Variants in DPYD observed in about 807,000 individuals in gnomAD.
DPYD encodes dihydropyrimidine dehydrogenase [NADP(+)].
Under a neutral mutation model 116.2 loss-of-function variants are expected in DPYD, and 109 were observed. That is an observed-to-expected ratio of 0.94 (90% CI 0.80 to 1.10). The LOEUF (loss-of-function observed/expected upper bound fraction) is 1.10, where lower values mean the gene tolerates loss of function less well. Ranked by LOEUF, DPYD falls within the 50% of genes least tolerant of loss-of-function variation. The pLI is 0.00. For synonymous variants in DPYD, 440 were observed against 432.0 expected (o/e 1.02, Z -0.23); for missense variants, 1,302 against 1,254.5 (o/e 1.04, Z -0.57).
At chr1:97,645,173 A>G (rs1167250015) in intron 8 of DPYD, among the ~76,000 whole-genome samples, 1 of 152,128 alleles carries the variant, frequency 6.6e-6, no homozygotes, top group Admixed American at 6.6e-5. Context: ...TATAAACAGT[A>G]GTGCAGTTAA....
intron 19 of DPYD, among the ~76,000 whole-genome samples, chr1:97,224,639 C>A (rs74676854): frequency 0.013 from 1,912 of 151,940 alleles, 31 homozygotes; most frequent in South Asian, 0.043. Context: ...AATTTTGTAT[C>A]CTTGAACTGC....
intron 16 of DPYD, among the ~76,000 whole-genome samples, chr1:97,373,302 T>G (rs1037145604): frequency 3.3e-5 from 5 of 152,204 alleles, no homozygotes; most frequent in Non-Finnish European, 7.3e-5. Flanking sequence ...TCAGCGCTTT[T>G]AAAAACTATT....
At chr1:97,672,876 T>G (rs1156670173) in intron 8 of DPYD, among the ~76,000 whole-genome samples, 2 of 152,186 alleles carry the variant, frequency 1.3e-5, no homozygotes, top group African/African-American at 4.8e-5. Flanking sequence ...GTTATTTGTC[T>G]GTTATAATAT....
chr1:97,463,087 A>G (rs1220238602), intron 13 of DPYD, among the ~76,000 whole-genome samples: 2 of 152,230 alleles, frequency 1.3e-5, no homozygotes, highest in African/African-American at 4.8e-5. Context: ...TTTCTGGACC[A>G]AACCAATGTA....
chr1:97,086,716 T>C (rs1055441553), intron 21 of DPYD, among the ~76,000 whole-genome samples: 1 of 150,468 alleles, frequency 6.6e-6, no homozygotes, highest in East Asian at 2.0e-4. Context: ...AATCATAAGA[T>C]GAACCATTGT....
chr1:97,219,332 T>C (rs1660633825), intron 19 of DPYD, among the ~76,000 whole-genome samples: 1 of 152,224 alleles, frequency 6.6e-6, no homozygotes, highest in Non-Finnish European at 1.5e-5. Context: ...TATTCTCATC[T>C]GAACCCTTGG....
chr1:97,913,168 C>T (rs112452496), intron 1 of DPYD, among the ~76,000 whole-genome samples: 1 of 152,026 alleles, frequency 6.6e-6, no homozygotes, highest in South Asian at 2.1e-4. Flanking sequence ...TATTCTCAGG[C>T]GAAATTTAGA....
chr1:97,225,771 A>G (rs962189243), intron 19 of DPYD, among the ~76,000 whole-genome samples: 1 of 151,856 alleles, frequency 6.6e-6, no homozygotes, highest in East Asian at 1.9e-4. Context: ...TTGATGTCCT[A>G]TTCAAACAAT....
intron 16 of DPYD, among the ~76,000 whole-genome samples, chr1:97,369,423 C>T (rs574182715): frequency 6.6e-6 from 1 of 152,122 alleles, no homozygotes; most frequent in Non-Finnish European, 1.5e-5. Flanking sequence ...GTTAACAATA[C>T]TGATACTTAA....
intron 18 of DPYD, among the ~76,000 whole-genome samples, chr1:97,296,985 G>T (rs1322044301): frequency 6.6e-6 from 1 of 152,084 alleles, no homozygotes; most frequent in Non-Finnish European, 1.5e-5. Flanking sequence ...AAACATGGGG[G>T]ATTATGTCTT....
intron 8 of DPYD, among the ~76,000 whole-genome samples, chr1:97,676,034 A>C (rs566618938): frequency 3.3e-5 from 5 of 152,268 alleles, no homozygotes; most frequent in Admixed American, 3.3e-4. Flanking sequence ...GGTGTGAGCC[A>C]CCACGCCTGG....
intron 8 of DPYD, among the ~76,000 whole-genome samples, chr1:97,637,983 G>C (rs1320511734): frequency 6.6e-6 from 1 of 152,064 alleles, no homozygotes; most frequent in Non-Finnish European, 1.5e-5. Flanking sequence ...GAATTTGCCT[G>C]ATGAGCCCTT....
chr1:97,486,056 A>G (rs1678614890), intron 13 of DPYD, among the ~76,000 whole-genome samples: 1 of 152,306 alleles, frequency 6.6e-6, no homozygotes, highest in Non-Finnish European at 1.5e-5. Context: ...TAGTTAAAGG[A>G]TTTTACTACT....
At chr1:97,440,989 C>G (rs1256024679) in intron 14 of DPYD, among the ~76,000 whole-genome samples, 1 of 152,128 alleles carries the variant, frequency 6.6e-6, no homozygotes, top group East Asian at 1.9e-4. Context: ...TCTTTCAGTA[C>G]TTTTAAGATG....
At chr1:97,384,495 T>C (rs892960391) in intron 14 of DPYD, among the ~76,000 whole-genome samples, 10 of 152,032 alleles carry the variant, frequency 6.6e-5, no homozygotes, top group African/African-American at 2.2e-4. Context: ...AAAGAATAAA[T>C]GAATGAGGTC....
chr1:97,135,386 A>G (rs1456361725), intron 20 of DPYD, among the ~76,000 whole-genome samples: 1 of 152,206 alleles, frequency 6.6e-6, no homozygotes, highest in Non-Finnish European at 1.5e-5. Context: ...TCAGACCATG[A>G]GAGCTATAAA....
intron 18 of DPYD, among the ~76,000 whole-genome samples, chr1:97,265,929 T>G (rs918400927): frequency 6.6e-6 from 1 of 152,282 alleles, no homozygotes; most frequent in African/African-American, 2.4e-5. Context: ...GTTTACAAAT[T>G]AAACTTTCTA....
chr1:97,214,709 G>A (rs1157130670), intron 19 of DPYD, among the ~76,000 whole-genome samples: 2 of 152,138 alleles, frequency 1.3e-5, no homozygotes, highest in Non-Finnish European at 2.9e-5. Flanking sequence ...TTCCTGTGAT[G>A]GATTACCCCA....
chr1:97,576,858 C>T (rs992927656), intron 10 of DPYD, among the ~76,000 whole-genome samples: 1 of 152,184 alleles, frequency 6.6e-6, no homozygotes, highest in African/African-American at 2.4e-5. Context: ...TCTTCACTCA[C>T]TAGTACATGT....
Sources: allele counts gnomAD v4.1 joint callset (sites outside exome capture counted in the v4.1 genomes callset), GRCh38; gene constraint gnomAD v4.1.1; transcripts MANE v1.5; gene names NCBI Gene and HGNC (gene_info 2026-07-23, HGNC 2026-07-21).